Variants in KLHL32 observed in about 807,000 individuals in gnomAD.
KLHL32 encodes kelch-like protein 32.
Under a neutral mutation model 64.8 loss-of-function variants are expected in KLHL32, and 35 were observed. That is an observed-to-expected ratio of 0.54 (90% CI 0.41 to 0.72). KLHL32 has a LOEUF of 0.72. Among genes scored for constraint, KLHL32 ranks in the 30% least tolerant of loss-of-function variants. The pLI is 0.00. For synonymous variants in KLHL32, 259 were observed against 281.0 expected (o/e 0.92, Z 0.78); for missense variants, 589 against 768.5 (o/e 0.77, Z 2.76).
rs114255687 is a variant in KLHL32, at chr6:96,967,748, G to A, written c.23+665G>A. ...TTAAACAAATAAGCACACCAGTAAC[G>A]ACACAAAAATAATTGTGAAAGTGCT... On this transcript the variant is annotated intron_variant, in intron 2 of 10. Transcript: ENST00000369261. 9.0e-3 allele frequency among the ~76,000 whole-genome samples: 1,376 copies of A among 152,164 alleles called. 27 individuals carry two copies. The highest frequency in any genetic ancestry group is 0.032 in the African/African-American group (1,320 of 41,518).
rs758847904 is a variant in KLHL32, at chr6:96,967,048, A to G, written c.-13A>G. On this transcript the variant is annotated 5_prime_UTR_variant, in exon 2 of 11. Coordinates refer to ENST00000369261, the MANE Select transcript of KLHL32 (RefSeq NM_052904.4). ...ACTTCTAAGGCTGAGAACCTGAGGA[A>G]CCCAGCTGGAAAATGCCGTCTGAAC... 5 of 1,604,428 alleles carry G rather than the reference A, an allele frequency of 3.1e-6. No individual in the cohort carries two copies. Among genetic ancestry groups the G allele is most frequent in the Non-Finnish European group, 4.3e-6 (5 of 1,171,586 alleles).
the KLHL32 span, among the ~76,000 whole-genome samples, chr6:96,913,881 T>G: frequency 6.6e-6 from 1 of 152,170 alleles, no homozygotes; most frequent in African/African-American, 2.4e-5. Context: ...AGTCTATGGA[T>G]AGATTATATT....
intron 3 of KLHL32, among the ~76,000 whole-genome samples, chr6:97,022,445 C>T (rs2128105800): frequency 6.7e-6 from 1 of 149,704 alleles, no homozygotes; most frequent in East Asian, 1.9e-4. Flanking sequence ...AAGGAGGACT[C>T]TAATTTTACC....
chr6:97,000,256 C>T (rs1201583866), intron 3 of KLHL32, among the ~76,000 whole-genome samples: 3 of 152,146 alleles, frequency 2.0e-5, no homozygotes, highest in African/African-American at 7.2e-5. Flanking sequence ...TTATATAAAA[C>T]TATTAATTGA....
At chr6:96,916,045 G>T in the KLHL32 span, among the ~76,000 whole-genome samples, 1 of 152,140 alleles carries the variant, frequency 6.6e-6, no homozygotes, top group African/African-American at 2.4e-5. Context: ...TCACAGATTG[G>T]GCAGCCTCCA....
chr6:97,086,062 C>T (rs1331106525), intron 6 of KLHL32, among the ~76,000 whole-genome samples: 2 of 152,206 alleles, frequency 1.3e-5, no homozygotes, highest in Admixed American at 1.3e-4. Flanking sequence ...CTATCTTCCT[C>T]CTCCATATTA....
intron 6 of KLHL32, among the ~76,000 whole-genome samples, chr6:97,108,729 T>C (rs1796732447): frequency 6.6e-6 from 1 of 152,242 alleles, no homozygotes; most frequent in African/African-American, 2.4e-5. Flanking sequence ...ATGCAGAGTG[T>C]TTCTATGGCT....
intron 3 of KLHL32, among the ~76,000 whole-genome samples, chr6:97,001,387 T>G (rs1359162183): frequency 6.6e-6 from 1 of 152,230 alleles, no homozygotes; most frequent in Non-Finnish European, 1.5e-5. Flanking sequence ...TGTAGGTACC[T>G]CACAACTGTC....
chr6:96,968,023 G>A (rs1299738843), intron 2 of KLHL32, among the ~76,000 whole-genome samples: 1 of 152,140 alleles, frequency 6.6e-6, no homozygotes, highest in Non-Finnish European at 1.5e-5. Context: ...GACAAACCTG[G>A]GGAATACATT....
At chr6:97,110,318 G>A (rs556809026) in intron 6 of KLHL32, among the ~76,000 whole-genome samples, 16 of 152,254 alleles carry the variant, frequency 1.1e-4, no homozygotes, top group African/African-American at 3.4e-4. Context: ...TACCGTGTCT[G>A]CCTCCTTGGC....
intron 8 of KLHL32, among the ~76,000 whole-genome samples, chr6:97,129,512 G>A (rs1799214713): frequency 6.6e-6 from 1 of 152,126 alleles, no homozygotes; most frequent in Non-Finnish European, 1.5e-5. Context: ...GAAAGGTTGG[G>A]CATACTCTTC....
At chr6:97,113,679 T>C in intron 6 of KLHL32, 104 bp from the exon 7 acceptor site, 1 of 1,396,898 alleles carries the variant, frequency 7.2e-7, no homozygotes, top group Non-Finnish European at 9.7e-7. Flanking sequence ...AAAGTTTGTA[T>C]TATTACCTGC....
intron 3 of KLHL32, chr6:97,025,042 G>C: frequency 2.0e-6 from 2 of 984,996 alleles, no homozygotes; most frequent in Non-Finnish European, 2.4e-6. Flanking sequence ...CATGTTTAAA[G>C]GATAATAAAG....
At chr6:96,967,866 A>G (rs897659563) in intron 2 of KLHL32, among the ~76,000 whole-genome samples, 1 of 152,194 alleles carries the variant, frequency 6.6e-6, no homozygotes, top group Non-Finnish European at 1.5e-5. Context: ...GCCCTGAGGC[A>G]GGAAGGAGCT....
At chr6:96,959,096 A>T (rs1472014824) in intron 1 of KLHL32, among the ~76,000 whole-genome samples, 1 of 152,182 alleles carries the variant, frequency 6.6e-6, no homozygotes, top group Non-Finnish European at 1.5e-5. Flanking sequence ...TTTAGCACCT[A>T]GAGAAAGATG....
At chr6:96,962,947 C>G (rs927259612) in intron 1 of KLHL32, among the ~76,000 whole-genome samples, 1 of 152,128 alleles carries the variant, frequency 6.6e-6, no homozygotes, top group Non-Finnish European at 1.5e-5. Flanking sequence ...TGGTACTAGT[C>G]TTTTGGGGGT....
At chr6:96,903,114 A>G in the KLHL32 span, among the ~76,000 whole-genome samples, 2 of 152,300 alleles carry the variant, frequency 1.3e-5, no homozygotes, top group Admixed American at 1.3e-4. Context: ...CACAGAAAAC[A>G]AACAACAAAA....
chr6:97,058,963 G>C (rs1205673740), intron 4 of KLHL32, among the ~76,000 whole-genome samples: 1 of 152,210 alleles, frequency 6.6e-6, no homozygotes, highest in Non-Finnish European at 1.5e-5. Context: ...AACAGTTTTT[G>C]AGGTAGACAT....
At chr6:97,003,475 C>A (rs1779290990) in intron 3 of KLHL32, among the ~76,000 whole-genome samples, 1 of 152,116 alleles carries the variant, frequency 6.6e-6, no homozygotes, top group Non-Finnish European at 1.5e-5. Context: ...GTTTCTTTTG[C>A]TATGCAGAAG....
Sources: gnomAD v4.1 joint callset for allele counts (sites outside exome capture counted in the v4.1 genomes callset) on GRCh38, gnomAD v4.1.1 for gene constraint, MANE v1.5 for transcripts, NCBI Gene and HGNC (gene_info 2026-07-23, HGNC 2026-07-21) for gene names.